The following MROH9 variants were observed in gnomAD, a reference collection of about 807,000 sequenced individuals.
MROH9 encodes the protein maestro heat like repeat family member 9.
In MROH9, 92 loss-of-function variants were observed where a neutral mutation model predicts 98.2. The observed-to-expected ratio is 0.94, with a 90% CI of 0.79 to 1.11. MROH9 has a LOEUF of 1.11. Ranked by LOEUF, MROH9 falls within the 50% of genes most tolerant of loss-of-function variation. The pLI is 0.00. For missense variants in MROH9, 1,057 were observed against 1,014.8 expected (o/e 1.04, Z -0.57); for synonymous variants, 397 against 368.9 (o/e 1.08, Z -0.87).
intron 5 of MROH9, among the ~76,000 whole-genome samples, chr1:170,961,145 C>T (rs1650003082): frequency 6.6e-6 from 1 of 152,102 alleles, no homozygotes; most frequent in African/African-American, 2.4e-5. Flanking sequence ...ACAAATTATT[C>T]CTTTCAATGA....
intron 20 of MROH9, among the ~76,000 whole-genome samples, chr1:171,033,029 T>C (rs893774760): frequency 1.3e-5 from 2 of 152,056 alleles, no homozygotes; most frequent in Non-Finnish European, 2.9e-5. Flanking sequence ...TGGGTAAGAG[T>C]CAGGCCTGTA....
rs375544940 is a variant in MROH9 at position 171,025,385 on chromosome 1, G to A, written c.2246G>A (p.Arg749Lys). 15 of 1,549,566 alleles carry A rather than the reference G, an allele frequency of 9.7e-6. No homozygotes were observed. The African/African-American group carries it at 1.8e-4, about 18-fold the overall frequency. Reference sequence around the variant, plus strand: ...ACCTTACGATTCCTGTGGAGCCCCAGAACATATCTTAAGAGGGCATCGGTT... The same window carrying A: ...ACCTTACGATTCCTGTGGAGCCCCAAAACATATCTTAAGAGGGCATCGGTT... Reference protein sequence around the residue: ...SDTLRFLWSPRTYLKRASVIL... With the variant: ...SDTLRFLWSPKTYLKRASVIL... Residue 749 changes from arginine to lysine, a missense_variant, in exon 20 of 22, where the codon AGA becomes AAA. Coordinates refer to ENST00000367759, the MANE Select transcript of MROH9 (RefSeq NM_001163629.2).
At chr1:170,948,400 A>T (rs747932505) in intron 3 of MROH9, among the ~76,000 whole-genome samples, 26 of 152,054 alleles carry the variant, frequency 1.7e-4, no homozygotes, top group Non-Finnish European at 3.8e-4. Flanking sequence ...TGATTTTTCC[A>T]GCCAGGACAT....
intron 16 of MROH9, among the ~76,000 whole-genome samples, chr1:171,014,766 A>G (rs2101832698): frequency 6.6e-6 from 1 of 152,278 alleles, no homozygotes; most frequent in African/African-American, 2.4e-5. Context: ...AGTTATGAGC[A>G]CTCATATTTT....
chr1:170,989,986 C>A lies in MROH9; in HGVS notation c.1011C>A (p.Tyr337Ter). 1 of 1,611,676 alleles carries A rather than the reference C, an allele frequency of 6.2e-7. No homozygotes were observed. Among genetic ancestry groups the A allele is most frequent in the African/African-American group, 1.3e-5 (1 of 74,958 alleles). The change falls in exon 11 of 22, where the codon TAC (tyrosine) becomes TAA (stop). Residue 337 changes from tyrosine (Y) to a stop codon, truncating the protein, a stop_gained. Transcript: ENST00000367759. LOFTEE classifies it high-confidence loss of function. ...AGGTCATCTTTCAACTTATGGACTA[C>A]CCAGTTCCAGCAGACGAGTAAGGCC... ...PKKVIFQLMD[Y>*]PVPADDTLIQ...
Position 170,958,316 on chromosome 1 carries a change from T to A in MROH9, c.73-145T>A, listed in dbSNP as rs978420818. 3.6e-5 allele frequency: 17 copies of A among 474,612 alleles called. No individual in the cohort carries two copies. In the Admixed American group the frequency reaches 4.7e-4, roughly 13 times the overall value. The allele number at this position is 474,612 out of a possible 1,614,324, so 29.4% of individuals were successfully genotyped here. Reference sequence around the variant, plus strand: ...TTAAATTACAGTTTGGTCTCAACACTTCTATGAACTCTTGAGCATGTTTTC... The same window carrying A: ...TTAAATTACAGTTTGGTCTCAACACATCTATGAACTCTTGAGCATGTTTTC... On this transcript the variant is annotated intron_variant, in intron 3 of 21. Transcript: ENST00000367759.
chr1:170,959,462 C>A lies in MROH9; in HGVS notation c.153C>A (p.Ser51Arg). ...NESMILAVNSSFVDPLLQFES... is the reference protein window; with the variant it reads ...NESMILAVNSRFVDPLLQFES... ...AATAATTGCTCCTTTTTCTTGTCAG[C>A]TTTGTGGATCCCTTACTGCAGTTTG... is the stretch of plus-strand genomic sequence containing the variant. The change falls in exon 5 of 22, where the codon AGC becomes AGA. Residue 51 changes from serine (S) to arginine (R), a missense_variant and splice_region_variant. Transcript: ENST00000367759. 6.3e-7 allele frequency: 1 copy of A among 1,595,652 alleles called. No individual in the cohort carries two copies. Among genetic ancestry groups the A allele is most frequent in the Non-Finnish European group, 8.5e-7 (1 of 1,172,932 alleles).
intron 6 of MROH9, among the ~76,000 whole-genome samples, chr1:170,963,682 G>A (rs1650117412): frequency 1.3e-5 from 2 of 152,088 alleles, no homozygotes; most frequent in Non-Finnish European, 2.9e-5. Flanking sequence ...GTACTTTGCA[G>A]GAATTTGGAT....
intron 20 of MROH9, among the ~76,000 whole-genome samples, chr1:171,054,798 A>G (rs1159986542): frequency 6.6e-6 from 1 of 152,236 alleles, no homozygotes; most frequent in Non-Finnish European, 1.5e-5. Context: ...CAGAACCACA[A>G]TATGATACCA....
intron 9 of MROH9, among the ~76,000 whole-genome samples, chr1:170,986,220 C>A (rs889670383): frequency 1.1e-4 from 16 of 152,160 alleles, no homozygotes; most frequent in African/African-American, 3.9e-4. Flanking sequence ...TCCCCTCCTG[C>A]ATCTTCTGCT....
chr1:170,985,665 C>T (rs1651104675), intron 9 of MROH9, among the ~76,000 whole-genome samples: 1 of 152,002 alleles, frequency 6.6e-6, no homozygotes, highest in Non-Finnish European at 1.5e-5. Context: ...TTTTAAAAAT[C>T]CAGTGTCATA....
intron 1 of MROH9, among the ~76,000 whole-genome samples, chr1:170,937,379 A>G (rs1046442109): frequency 3.3e-5 from 5 of 152,218 alleles, no homozygotes; most frequent in Non-Finnish European, 5.9e-5. Context: ...GTATTATGTG[A>G]TAAGAGAATA....
At chr1:170,968,870 T>C (rs866717919) in intron 7 of MROH9, among the ~76,000 whole-genome samples, 1 of 152,206 alleles carries the variant, frequency 6.6e-6, no homozygotes, top group Non-Finnish European at 1.5e-5. Context: ...GGCCTATACA[T>C]TGAATAATTT....
chr1:171,047,700 A>G (rs1383226993), intron 20 of MROH9, among the ~76,000 whole-genome samples: 2 of 152,020 alleles, frequency 1.3e-5, no homozygotes, highest in Admixed American at 6.6e-5. Flanking sequence ...TGTTTTCCTG[A>G]ATGGTGTTGA....
chr1:171,010,848 T>A (rs554578295), intron 15 of MROH9, among the ~76,000 whole-genome samples: 1 of 152,328 alleles, frequency 6.6e-6, no homozygotes, highest in African/African-American at 2.4e-5. Context: ...TGTTAGCCCT[T>A]TGTCAGATGG....
intron 15 of MROH9, among the ~76,000 whole-genome samples, chr1:171,007,754 A>G (rs1235283349): frequency 6.6e-6 from 1 of 152,168 alleles, no homozygotes; most frequent in Non-Finnish European, 1.5e-5. Flanking sequence ...GGGCTGTTTC[A>G]GGGCACAAAG....
intron 20 of MROH9, among the ~76,000 whole-genome samples, chr1:171,036,779 A>G (rs1653111437): frequency 7.0e-6 from 1 of 143,196 alleles, no homozygotes; most frequent in Admixed American, 6.6e-5. Flanking sequence ...GAATAGATGA[A>G]TACAAAAATA....
chr1:171,054,138 G>T (rs1653755174), intron 20 of MROH9, among the ~76,000 whole-genome samples: 1 of 152,092 alleles, frequency 6.6e-6, no homozygotes, highest in African/African-American at 2.4e-5. Context: ...AGTATACAAA[G>T]ATCAATTGGA....
At chr1:170,970,702 C>CTGTGTGTG (rs3980698) in intron 7 of MROH9, among the ~76,000 whole-genome samples, 317 of 118,492 alleles carry the variant, frequency 2.7e-3, no homozygotes, top group African/African-American at 8.0e-3. Flanking sequence ...TTAGGAATTT[C>CTGTGTGTG]TGTGTGTGTG....
Sources: allele counts gnomAD v4.1 joint callset (sites outside exome capture counted in the v4.1 genomes callset), GRCh38; gene constraint gnomAD v4.1.1; transcripts MANE v1.5; gene names NCBI Gene and HGNC (gene_info 2026-07-23, HGNC 2026-07-21).